ELP3: variants seen among roughly 807,000 people sequenced by gnomAD.
ELP3 encodes the protein elongator acetyltransferase complex subunit 3, also known as elongator complex protein 3.
In ELP3, 56 loss-of-function variants were observed where a neutral mutation model predicts 74.9. That is an observed-to-expected ratio of 0.75 (90% CI 0.60 to 0.93). The LOEUF (loss-of-function observed/expected upper bound fraction) is 0.93, where lower values mean the gene tolerates loss of function less well. Ranked by LOEUF, ELP3 falls within the 40% of genes least tolerant of loss-of-function variation. The probability of loss-of-function intolerance (pLI) is 0.00; values close to 1 mark genes in which losing one functional copy is unlikely to be tolerated. For synonymous variants in ELP3, 222 were observed against 239.8 expected (o/e 0.93, Z 0.68); for missense variants, 573 against 686.5 (o/e 0.83, Z 1.85).
At chr8:28,105,432 T>C (rs1479056356) in intron 3 of ELP3, among the ~76,000 whole-genome samples, 3 of 152,204 alleles carry the variant, frequency 2.0e-5, no homozygotes, top group Non-Finnish European at 4.4e-5. Flanking sequence ...TATCTTAGAC[T>C]TTCTTTGCTC....
At chr8:28,175,885 G>T (rs4732833) in intron 14 of ELP3, among the ~76,000 whole-genome samples, 26,100 of 147,398 alleles carry the variant, frequency 0.18, 2,521 homozygotes, top group East Asian at 0.26. Context: ...CATGATCTCG[G>T]CTCACTGCAA....
At chr8:28,129,701 C>T (rs1337712920) in intron 8 of ELP3, 38 bp downstream of exon 8, 1 of 1,610,526 alleles carries the variant, frequency 6.2e-7, no homozygotes, top group South Asian at 1.1e-5. Flanking sequence ...AAGTCTTCCT[C>T]CAAGTTCACC....
At chr8:28,100,065 G>T (rs1811415230) in intron 3 of ELP3, 99 bp downstream of exon 3, 2 of 1,479,160 alleles carry the variant, frequency 1.4e-6, no homozygotes, top group Admixed American at 1.7e-5. Flanking sequence ...AGAGGTTGGG[G>T]ATTCTGAACT....
At chr8:28,126,159 C>T (rs1812569704) in intron 7 of ELP3, among the ~76,000 whole-genome samples, 1 of 151,978 alleles carries the variant, frequency 6.6e-6, no homozygotes, top group African/African-American at 2.4e-5. Context: ...GTAGTGTGGG[C>T]AGGGTGCTTG....
chr8:28,157,796 C>T (rs1813892326), intron 11 of ELP3, among the ~76,000 whole-genome samples: 1 of 152,210 alleles, frequency 6.6e-6, no homozygotes, highest in East Asian at 1.9e-4. Context: ...GGTAGCATAG[C>T]ATGCACTGTG....
chr8:28,103,728 T>C (rs928761380), intron 3 of ELP3, among the ~76,000 whole-genome samples: 1 of 152,174 alleles, frequency 6.6e-6, no homozygotes, highest in African/African-American at 2.4e-5. Flanking sequence ...TTTTGGATTT[T>C]ATTTAATTAA....
chr8:28,117,309 G>A (rs1478288014), intron 7 of ELP3, among the ~76,000 whole-genome samples: 1 of 152,074 alleles, frequency 6.6e-6, no homozygotes, highest in African/African-American at 2.4e-5. Flanking sequence ...TATTCTTGGT[G>A]TAACATTTTA....
At chr8:28,138,702 C>G (rs1276455924) in intron 10 of ELP3, among the ~76,000 whole-genome samples, 1 of 152,134 alleles carries the variant, frequency 6.6e-6, no homozygotes, top group African/African-American at 2.4e-5. Context: ...GCAATGAACA[C>G]TGAAAACAAG....
chr8:28,093,522 G>C (rs1392834348), intron 1 of ELP3: 1 of 501,360 alleles, frequency 2.0e-6, no homozygotes, highest in Non-Finnish European at 3.5e-6. Flanking sequence ...AGTTAACGTC[G>C]ATTTAACGGG....
At chr8:28,182,136 C>T (rs1451851165) in intron 14 of ELP3, among the ~76,000 whole-genome samples, 1 of 152,178 alleles carries the variant, frequency 6.6e-6, no homozygotes, top group African/African-American at 2.4e-5. Context: ...CAGAAGGCTG[C>T]AGTAACTTGG....
Position 28,097,216 on chromosome 8 carries a change from C to A in ELP3, c.20-3C>A. The A allele has an allele frequency of 6.3e-7, 1 of 1,588,546 alleles. No homozygotes were observed. Among genetic ancestry groups the A allele is most frequent in the South Asian group, 1.2e-5 (1 of 86,614 alleles). On this transcript the variant is annotated splice_polypyrimidine_tract_variant and splice_region_variant and intron_variant, in intron 1 of 14. Coordinates refer to ENST00000256398, the MANE Select transcript of ELP3 (RefSeq NM_018091.6). Reference sequence around the variant, plus strand: ...TTGACATTGTTGAATATTAACTTTCCAGGAGATCTCAGCCCTGCTGAGCTG... The same window carrying A: ...TTGACATTGTTGAATATTAACTTTCAAGGAGATCTCAGCCCTGCTGAGCTG...
chr8:28,102,171 C>T (rs1321513241), intron 3 of ELP3, among the ~76,000 whole-genome samples: 1 of 152,174 alleles, frequency 6.6e-6, no homozygotes, highest in Non-Finnish European at 1.5e-5. Flanking sequence ...TGCTGACTCC[C>T]AGCATGAACC....
intron 12 of ELP3, 30 bp downstream of exon 12, chr8:28,158,663 G>A (rs945770122): frequency 1.3e-6 from 2 of 1,582,326 alleles, no homozygotes; most frequent in East Asian, 2.2e-5. Context: ...AGAGGGCCTA[G>A]GTACTGTCCT....
chr8:28,109,410 C>T (rs2130385525), intron 5 of ELP3, among the ~76,000 whole-genome samples: 1 of 152,258 alleles, frequency 6.6e-6, no homozygotes, highest in South Asian at 2.1e-4. Flanking sequence ...GGCTTCCTCT[C>T]ATTCCTATCC....
chr8:28,151,249 AT>A (rs753156798), intron 10 of ELP3, among the ~76,000 whole-genome samples: 2 of 151,898 alleles, frequency 1.3e-5, no homozygotes, highest in South Asian at 2.1e-4. Context: ...GGCATTCTTT[AT>A]TTCTGTTTCG....
chr8:28,167,668 A>G (rs1204796539), intron 14 of ELP3, among the ~76,000 whole-genome samples: 1 of 152,194 alleles, frequency 6.6e-6, no homozygotes, highest in East Asian at 1.9e-4. Context: ...GTGTTAGTCT[A>G]TGGCTTCTCA....
At chr8:28,187,855 G>A (rs988944022) in intron 14 of ELP3, among the ~76,000 whole-genome samples, 3 of 152,194 alleles carry the variant, frequency 2.0e-5, no homozygotes, top group African/African-American at 7.2e-5. Flanking sequence ...ACCTGTGGAC[G>A]AATCTGAGGC....
At chr8:28,097,446 C>T (rs546667703) in intron 2 of ELP3, 128 bp downstream of exon 2, 3 of 584,052 alleles carry the variant, frequency 5.1e-6, no homozygotes, top group African/African-American at 3.9e-5. Context: ...TCTGCCTTGC[C>T]TTGTCATTCA....
chr8:28,172,919 C>A (rs1437401119), intron 14 of ELP3, among the ~76,000 whole-genome samples: 1 of 151,826 alleles, frequency 6.6e-6, no homozygotes, highest in East Asian at 1.9e-4. Flanking sequence ...CCACTTAATT[C>A]TGTTTTGGTT....
Sources: gnomAD v4.1 joint callset for allele counts (sites outside exome capture counted in the v4.1 genomes callset) on GRCh38, gnomAD v4.1.1 for gene constraint, MANE v1.5 for transcripts, NCBI Gene and HGNC (gene_info 2026-07-23, HGNC 2026-07-21) for gene names.